POTEF: variants seen among roughly 807,000 people sequenced by gnomAD.
The protein encoded by POTEF is POTE ankyrin domain family member F, also known as ANKRD26-like family C member 1B.
A neutral mutation model predicts 83.2 loss-of-function variants in POTEF; 20 were observed. The observed-to-expected ratio is 0.24, with a 90% CI of 0.17 to 0.35. The LOEUF (loss-of-function observed/expected upper bound fraction) is 0.35. POTEF is among the 10% of genes least tolerant of loss of function. POTEF has a pLI of 1.00. For missense variants in POTEF, 550 were observed against 1,203.2 expected (o/e 0.46, Z 8.03); for synonymous variants, 196 against 446.4 (o/e 0.44, Z 7.07).
intron 3 of POTEF, among the ~76,000 whole-genome samples, chr2:130,117,332 A>G (rs898344347): frequency 2.0e-5 from 3 of 151,926 alleles, no homozygotes; most frequent in Non-Finnish European, 4.4e-5. Flanking sequence ...AAAATAAATA[A>G]TAGAATGTGA....
intron 9 of POTEF, 46 bp from the exon 10 acceptor site, chr2:130,100,766 T>C (rs756831473): frequency 6.2e-7 from 1 of 1,604,166 alleles, no homozygotes; most frequent in Non-Finnish European, 8.5e-7. Context: ...TGTGTTTCTG[T>C]GATGTGTCCT....
rs545801986 is a variant in POTEF, at chr2:130,098,993, T to C, written c.1409+477A>G. ...GGAACAGAAGATCAAATGCCACATA[T>C]TCTTACTCATTACTGGGAACTAAAT... On this transcript the variant is annotated intron_variant, in intron 11 of 16. Transcript: ENST00000409914. 9.2e-4 allele frequency among the ~76,000 whole-genome samples: 71 copies of C among 77,046 alleles called. 22 individuals are homozygous for C. The South Asian group carries it at 0.023, about 25-fold the overall frequency. The allele number at this position is 77,046 out of a possible 152,430, so 50.5% of individuals were successfully genotyped here.
chr2:130,083,433 C>T (rs1213074765), intron 15 of POTEF, among the ~76,000 whole-genome samples: 3 of 148,240 alleles, frequency 2.0e-5, no homozygotes, highest in Admixed American at 6.7e-5. Flanking sequence ...CAAAACAGAC[C>T]ATGATAAACG....
chr2:130,126,541 G>A (rs1685097586), intron 2 of POTEF, among the ~76,000 whole-genome samples: 1 of 152,040 alleles, frequency 6.6e-6, no homozygotes, highest in Non-Finnish European at 1.5e-5. Flanking sequence ...GCCAGAGGCT[G>A]CAATTTTTTG....
intron 5 of POTEF, among the ~76,000 whole-genome samples, chr2:130,112,992 C>T (rs1216937869): frequency 6.6e-6 from 1 of 151,696 alleles, no homozygotes; most frequent in Non-Finnish European, 1.5e-5. Flanking sequence ...TTCTGAACGG[C>T]AGTGAATAAC....
intron 11 of POTEF, among the ~76,000 whole-genome samples, chr2:130,098,528 A>C (rs1212832286): frequency 6.6e-6 from 1 of 151,152 alleles, no homozygotes; most frequent in Non-Finnish European, 1.5e-5. Flanking sequence ...GAATTTTAAC[A>C]AGAACTCTTA....
intron 11 of POTEF, among the ~76,000 whole-genome samples, chr2:130,096,275 C>CTGCAGATGACA: frequency 2.6e-5 from 1 of 38,162 alleles, no homozygotes; most frequent in Admixed American, 2.9e-4. Flanking sequence ...ACACTCATGA[C>CTGCAGATGACA]TGCAGATGAC....
At chr2:130,113,308 T>C (rs1684759972) in intron 5 of POTEF, among the ~76,000 whole-genome samples, 2 of 114,182 alleles carry the variant, frequency 1.8e-5, no homozygotes, top group Admixed American at 1.0e-4. Context: ...CACCACTGCA[T>C]TCCAGCCTGG....
At position 130,074,978 on chromosome 2, in the gene POTEF, T is replaced by C. The variant is rs767796192; in HGVS notation, c.2494A>G (p.Met832Val). 3 of 1,612,554 alleles carry C rather than the reference T, an allele frequency of 1.9e-6. No individual in the cohort carries two copies. Among genetic ancestry groups the C allele is most frequent in the Non-Finnish European group, 2.5e-6 (3 of 1,179,716 alleles). Residue 832 changes from methionine (M) to valine (V), a missense_variant, in exon 17 of 17, where the codon ATG (methionine) becomes GTG (valine). Transcript: ENST00000409914. Reference protein sequence around the residue: ...IMFETFNTPAMYVAIQAVLSL... With the variant: ...IMFETFNTPAVYVAIQAVLSL... Reference sequence around the variant, plus strand: ...AGCACAGCCTGGATGGCCACGTACATGGCTGGGGTGTTGAAGGTCTCAAAC... The same window carrying C: ...AGCACAGCCTGGATGGCCACGTACACGGCTGGGGTGTTGAAGGTCTCAAAC...
At chr2:130,101,528 C>T (rs1407031804) in intron 9 of POTEF, among the ~76,000 whole-genome samples, 1 of 149,750 alleles carries the variant, frequency 6.7e-6, no homozygotes, top group Non-Finnish European at 1.5e-5. Context: ...TGAACAGAAA[C>T]GCTGAGGTCA....
chr2:130,073,565 T>A lies in POTEF; in HGVS notation c.*679A>T, dbSNP rs62165866. Among the ~76,000 whole-genome samples the A allele has an allele frequency of 6.9e-6, 1 of 145,292 alleles. No homozygotes were observed. The highest frequency in any genetic ancestry group is 3.5e-3 in the Middle Eastern group (1 of 284). On this transcript the variant is annotated 3_prime_UTR_variant, in exon 17 of 17. Coordinates refer to ENST00000409914, the MANE Select transcript of POTEF (RefSeq NM_001099771.2). ...CAGTGTTTCCTCGTTGTGTCTTACA[T>A]TGTCCAGTTCAGAACTGAGCATTTT... is the stretch of plus-strand genomic sequence containing the variant.
chr2:130,075,426 A>C lies in POTEF; in HGVS notation c.2046T>G (p.Ser682Arg), dbSNP rs543815931. ...AAAGATTATCATTCCTTTTTTTCAC[A>C]CTTTCAATATCCTCCAAATATTTCT... ...REKKYLEDIESVKKRNDNLLK... is the reference protein window; with the variant it reads ...REKKYLEDIERVKKRNDNLLK... The change falls in exon 17 of 17, where the codon AGT becomes AGG. Residue 682 changes from serine (S) to arginine (R), a missense_variant. Ser to Arg is a moderately radical substitution (Grantham distance 110). Coordinates refer to ENST00000409914, the MANE Select transcript of POTEF (RefSeq NM_001099771.2). 6.2e-7 allele frequency: 1 copy of C among 1,611,424 alleles called. No individual in the cohort carries two copies. Among genetic ancestry groups the C allele is most frequent in the Admixed American group, 1.7e-5 (1 of 59,928 alleles).
chr2:130,125,598 G>T (rs1312703407), intron 2 of POTEF, among the ~76,000 whole-genome samples: 2 of 151,374 alleles, frequency 1.3e-5, no homozygotes, highest in African/African-American at 4.9e-5. Context: ...GACACTGCAG[G>T]TTCTTAGATA....
chr2:130,114,620 TAGTA>T (rs1246178277), intron 5 of POTEF, among the ~76,000 whole-genome samples: 3 of 149,496 alleles, frequency 2.0e-5, no homozygotes, highest in South Asian at 2.2e-4. Flanking sequence ...AATTGAAAAA[TAGTA>T]AGTATTATCT....
At chr2:130,114,814 C>G in intron 5 of POTEF, 67 bp downstream of exon 5, 1 of 1,381,014 alleles carries the variant, frequency 7.2e-7, no homozygotes, top group Non-Finnish European at 9.7e-7. Flanking sequence ...AAGACTGGCC[C>G]TTACACAGGT....
intron 2 of POTEF, among the ~76,000 whole-genome samples, chr2:130,122,878 C>T (rs1685027390): frequency 6.6e-6 from 1 of 151,726 alleles, no homozygotes; most frequent in Non-Finnish European, 1.5e-5. Context: ...TTTTGTAACT[C>T]TCAACTTTAT....
In POTEF at chr2:130,075,363, A is replaced by G; in HGVS notation, c.2109T>C (p.Asp703=). The change falls in exon 17 of 17, where the codon GAT becomes GAC. Residue 703 remains aspartate, a synonymous_variant. Transcript: ENST00000409914. The part of the protein sequence containing the change: ...ALQLNELTMD[D]DTAVLVIDNG... ...TGTCAATGACGAGCACAGCGGTATC[A>G]TCATCCATGGTGAGCTCATTCAATT... The G allele has an allele frequency of 1.2e-6, 2 of 1,612,242 alleles. No individual in the cohort carries two copies. Among genetic ancestry groups the G allele is most frequent in the Non-Finnish European group, 1.7e-6 (2 of 1,179,870 alleles).
intron 5 of POTEF, among the ~76,000 whole-genome samples, chr2:130,114,643 T>C (rs562060023): frequency 3.3e-5 from 5 of 150,820 alleles, no homozygotes; most frequent in African/African-American, 9.8e-5. Flanking sequence ...CTTTTACAAA[T>C]TCAGTGTTTT....
At chr2:130,122,625 G>C (rs1254024334) in intron 2 of POTEF, among the ~76,000 whole-genome samples, 1 of 151,088 alleles carries the variant, frequency 6.6e-6, no homozygotes, top group Non-Finnish European at 1.5e-5. Flanking sequence ...AGAATGCTTT[G>C]AGTAGCATTG....
Sources: allele counts gnomAD v4.1 joint callset (sites outside exome capture counted in the v4.1 genomes callset), GRCh38; gene constraint gnomAD v4.1.1; transcripts MANE v1.5; gene names NCBI Gene and HGNC (gene_info 2026-07-23, HGNC 2026-07-21).